The following SLC66A3 variants were observed in gnomAD, a reference collection of about 807,000 sequenced individuals.
SLC66A3 encodes the protein PQ loop repeat containing 3.
Under a neutral mutation model 25.5 loss-of-function variants are expected in SLC66A3, and 23 were observed. That is an observed-to-expected ratio of 0.90 (90% CI 0.65 to 1.28). The LOEUF is 1.28. SLC66A3 is among the 50% of genes most tolerant of loss of function. The pLI is 0.00. For synonymous variants in SLC66A3, 108 were observed against 112.6 expected, an observed-to-expected ratio of 0.96 and a Z score of 0.26; for missense variants, 246 against 262.1, an observed-to-expected ratio of 0.94 and a Z score of 0.42.
In SLC66A3 at chr2:11,155,811, G is replaced by A; in HGVS notation, c.143+122G>A. 4.2e-6 allele frequency: 4 copies of A among 947,004 alleles called. No homozygotes were observed. The South Asian group carries it at 1.2e-4, about 28-fold the overall frequency. 58.7% of individuals were successfully genotyped at this position (947,004 alleles called of 1,614,324 possible). On this transcript the variant is annotated intron_variant, in intron 1 of 6. Transcript: ENST00000295083. ...ATCCCCGCGCGCCGGCGTCGCAGCT[G>A]GGCGGCCGAGGGTGAACTAGGGAGC...
intron 4 of SLC66A3, among the ~76,000 whole-genome samples, chr2:11,168,316 C>G (rs532613745): frequency 5.9e-4 from 89 of 151,636 alleles, no homozygotes; most frequent in Non-Finnish European, 9.9e-4. Flanking sequence ...GACAGCTAAG[C>G]ATCCCTTCTT....
rs1662574280 is a variant in SLC66A3 at position 11,172,035 on chromosome 2, T to C, written c.465T>C (p.Tyr155=). The C allele has an allele frequency of 6.2e-7, 1 of 1,613,904 alleles. No homozygotes were observed. Among genetic ancestry groups the C allele is most frequent in the Non-Finnish European group, 8.5e-7 (1 of 1,179,866 alleles). The change falls in exon 5 of 7, where the codon TAT becomes TAC. Residue 155 remains tyrosine (Y), a synonymous_variant. Coordinates refer to ENST00000295083, the MANE Select transcript of SLC66A3 (RefSeq NM_152391.5). ...CGCTGACTTGGAGCCTCTCTTCCTA[T>C]ACCTGTGCAAGTAAGAACCGGACTC... is the stretch of plus-strand genomic sequence containing the variant. ...VSALTWSLSS[Y]TCATRIITTL...
At chr2:11,170,233 G>C (rs574914633) in intron 4 of SLC66A3, among the ~76,000 whole-genome samples, 1 of 152,126 alleles carries the variant, frequency 6.6e-6, no homozygotes, top group Non-Finnish European at 1.5e-5. Context: ...TTCTCACCTC[G>C]TCTGTTTCTA....
intron 4 of SLC66A3, among the ~76,000 whole-genome samples, chr2:11,171,137 G>A (rs1662537853): frequency 6.6e-6 from 1 of 152,028 alleles, no homozygotes; most frequent in Non-Finnish European, 1.5e-5. Flanking sequence ...GGCCAATGTG[G>A]CGAAACCCTG....
At chr2:11,166,629 G>A (rs143005880) in intron 4 of SLC66A3, among the ~76,000 whole-genome samples, 3 of 152,194 alleles carry the variant, frequency 2.0e-5, no homozygotes, top group Admixed American at 6.5e-5. Flanking sequence ...GGTGGCTCAC[G>A]TCTGGAATCT....
chr2:11,160,717 A>G lies in SLC66A3; in HGVS notation c.296+23A>G, dbSNP rs1226939718. Reference sequence around the variant, plus strand: ...TGTGTATCCTTTCTGAATCTGAGCCAGAAGTGGGAACGGGGATGTTATTTG... The same window carrying G: ...TGTGTATCCTTTCTGAATCTGAGCCGGAAGTGGGAACGGGGATGTTATTTG... On this transcript the variant is annotated intron_variant, in intron 3 of 6. Coordinates refer to ENST00000295083, the MANE Select transcript of SLC66A3 (RefSeq NM_152391.5). 3.1e-6 allele frequency: 5 copies of G among 1,613,442 alleles called. No individual in the cohort carries two copies. In the African/African-American group the frequency reaches 4.0e-5, roughly 13 times the overall value.
At chr2:11,164,766 C>G (rs1325987513) in intron 4 of SLC66A3, among the ~76,000 whole-genome samples, 2 of 152,008 alleles carry the variant, frequency 1.3e-5, no homozygotes, top group Non-Finnish European at 2.9e-5. Context: ...CTTCAAGCAT[C>G]TGTTTAACAA....
At chr2:11,172,944 C>T (rs939774781) in intron 5 of SLC66A3, 1 of 162,364 alleles carries the variant, frequency 6.2e-6, no homozygotes, top group African/African-American at 2.4e-5. Flanking sequence ...CTCACTGCAA[C>T]CTCTGCCTCC....
chr2:11,159,232 G>A (rs1662025124), intron 1 of SLC66A3, among the ~76,000 whole-genome samples: 1 of 152,170 alleles, frequency 6.6e-6, no homozygotes, highest in African/African-American at 2.4e-5. Context: ...GAGGGGCTGG[G>A]GTGCAGCCTC....
intron 4 of SLC66A3, among the ~76,000 whole-genome samples, chr2:11,169,531 G>A (rs1015215856): frequency 6.6e-5 from 10 of 151,878 alleles, no homozygotes; most frequent in Non-Finnish European, 1.2e-4. Flanking sequence ...ACTGCCCACC[G>A]GGCTTCCAGG....
chr2:11,160,665 C>T lies in SLC66A3; in HGVS notation c.267C>T (p.Asn89=), dbSNP rs201449974. Residue 89 remains asparagine (N), a synonymous_variant, in exon 3 of 7, where the codon AAC becomes AAT. Transcript: ENST00000295083. The part of the protein sequence containing the change: ...LLLCIFHFNG[N]VKQATPYIAV... The stretch of plus-strand genomic sequence containing the variant: ...TCTGTATCTTTCATTTTAACGGGAA[C>T]GTGAAGCAGGCCACTCCTTACATCG... The T allele has an allele frequency of 1.1e-5, 18 of 1,613,988 alleles. No individual in the cohort carries two copies. Among genetic ancestry groups the T allele is most frequent in the Admixed American group, 3.3e-5 (2 of 59,996 alleles).
intron 1 of SLC66A3, 132 bp from the exon 2 acceptor site, chr2:11,160,334 C>G: frequency 1.3e-6 from 1 of 750,280 alleles, no homozygotes; most frequent in Non-Finnish European, 2.4e-6. Context: ...CTAAACCTTC[C>G]TCTTTGACAC....
chr2:11,164,971 A>C (rs1188884554), intron 4 of SLC66A3, among the ~76,000 whole-genome samples: 4 of 152,176 alleles, frequency 2.6e-5, no homozygotes, highest in African/African-American at 7.2e-5. Flanking sequence ...TGATTTCTCT[A>C]TCTTTTCCCC....
Position 11,155,624 on chromosome 2 carries a change from C to T in SLC66A3, c.78C>T (p.Ser26=), listed in dbSNP as rs760033622. The T allele has an allele frequency of 2.0e-6, 3 of 1,529,128 alleles. No individual in the cohort carries two copies. The highest frequency in any genetic ancestry group is 2.6e-6 in the Non-Finnish European group (3 of 1,149,288). The allele number at this position is 1,529,128 out of a possible 1,614,324, so 94.7% of individuals were successfully genotyped here. Reference sequence around the variant, plus strand: ...CCGCGCTGAAGCTGCCGCAGATCTCCGCTGTGCTAGCGGCGCGCAGCGCGC... The same window carrying T: ...CCGCGCTGAAGCTGCCGCAGATCTCTGCTGTGCTAGCGGCGCGCAGCGCGC... ...VCAALKLPQI[S]AVLAARSARG... Residue 26 remains serine, a synonymous_variant, in exon 1 of 7, where the codon TCC becomes TCT. Coordinates refer to ENST00000295083, the MANE Select transcript of SLC66A3 (RefSeq NM_152391.5).
At chr2:11,159,454 G>A (rs1024722809) in intron 1 of SLC66A3, among the ~76,000 whole-genome samples, 5 of 152,184 alleles carry the variant, frequency 3.3e-5, no homozygotes, top group African/African-American at 1.2e-4. Context: ...CGCACTCGGG[G>A]ACCAGGCCTG....
Position 11,155,526 on chromosome 2 carries a change from G to T in SLC66A3, c.-21G>T, listed in dbSNP as rs764616083. The stretch of plus-strand genomic sequence containing the variant: ...GGTCCCTTCTCGCTGCGGCCGCCCA[G>T]GTGCCCGCGCCCGTGGCGCTATGGA... On this transcript the variant is annotated 5_prime_UTR_variant, in exon 1 of 7. The change creates a new upstream start codon in the 5' untranslated region. Coordinates refer to ENST00000295083, the MANE Select transcript of SLC66A3 (RefSeq NM_152391.5). 6.7e-7 allele frequency: 1 copy of T among 1,484,984 alleles called. No individual in the cohort carries two copies. The highest frequency in any genetic ancestry group is 1.3e-5 in the South Asian group (1 of 79,260). 92.0% of individuals were successfully genotyped at this position (1,484,984 alleles called of 1,614,324 possible). A position where few individuals can be genotyped will look rare whatever the true frequency, so the allele number is the denominator to read the frequency against.
Position 11,178,063 on chromosome 2 carries a change from T to C in SLC66A3, c.*235T>C, listed in dbSNP as rs1392486718. On this transcript the variant is annotated 3_prime_UTR_variant, in exon 7 of 7. Coordinates refer to ENST00000295083, the MANE Select transcript of SLC66A3 (RefSeq NM_152391.5). ...TGGTAGTGCTCAGACATCTGCAGTGTTGAGGCCAGTCACTGTTGGAAGTCA... is the reference window on the plus strand; with the variant it reads ...TGGTAGTGCTCAGACATCTGCAGTGCTGAGGCCAGTCACTGTTGGAAGTCA... The C allele has an allele frequency of 7.9e-6, 3 of 380,040 alleles. No homozygotes were observed. Among genetic ancestry groups the C allele is most frequent in the African/African-American group, 6.7e-5 (3 of 44,612 alleles). 23.5% of individuals were successfully genotyped at this position (380,040 alleles called of 1,614,324 possible). A position where few individuals can be genotyped will look rare whatever the true frequency, so the allele number is the denominator to read the frequency against.
At chr2:11,175,524 G>A (rs546958344) in intron 6 of SLC66A3, among the ~76,000 whole-genome samples, 28 of 152,306 alleles carry the variant, frequency 1.8e-4, no homozygotes, top group Non-Finnish European at 3.7e-4. Flanking sequence ...GAGAGCAGGG[G>A]GACAGTGACA....
intron 5 of SLC66A3, among the ~76,000 whole-genome samples, chr2:11,173,405 C>T (rs1662622109): frequency 6.6e-6 from 1 of 152,210 alleles, no homozygotes; most frequent in Non-Finnish European, 1.5e-5. Flanking sequence ...TGGTTATTAA[C>T]AGCCTTTTAA....
Sources: gnomAD v4.1 joint callset for allele counts (sites outside exome capture counted in the v4.1 genomes callset) on GRCh38, gnomAD v4.1.1 for gene constraint, MANE v1.5 for transcripts, NCBI Gene and HGNC (gene_info 2026-07-23, HGNC 2026-07-21) for gene names.